The following SCLT1 variants were observed in gnomAD, a reference collection of about 807,000 sequenced individuals.
The protein encoded by SCLT1 is sodium channel and clathrin linker 1.
SCLT1 carries 78 observed loss-of-function variants against 112.8 expected under a neutral mutation model. The observed-to-expected ratio is 0.69, with a 90% CI of 0.58 to 0.83. SCLT1 has a LOEUF of 0.83. Ranked by LOEUF, SCLT1 falls within the 40% of genes least tolerant of loss-of-function variation. SCLT1 has a pLI of 0.00. For missense variants in SCLT1, 747 were observed against 770.4 expected (o/e 0.97, Z 0.36); for synonymous variants, 257 against 254.7 (o/e 1.01, Z -0.09).
At chr4:129,089,628 G>C (rs981664329) in intron 1 of SCLT1, among the ~76,000 whole-genome samples, 1 of 152,168 alleles carries the variant, frequency 6.6e-6, no homozygotes. Flanking sequence ...GTCCATCAAT[G>C]ATAGACTGGA....
At chr4:128,995,685 T>C in intron 8 of SCLT1, among the ~76,000 whole-genome samples, 1 of 152,030 alleles carries the variant, frequency 6.6e-6, no homozygotes, top group Non-Finnish European at 1.5e-5. Context: ...CTGCTTGCTC[T>C]GTGATGAGCT....
At chr4:128,950,357 A>T (rs948242565) in intron 14 of SCLT1, among the ~76,000 whole-genome samples, 1 of 152,164 alleles carries the variant, frequency 6.6e-6, no homozygotes, top group East Asian at 1.9e-4. Flanking sequence ...GATGGCCTAA[A>T]GAATATTTGG....
intron 17 of SCLT1, among the ~76,000 whole-genome samples, chr4:128,941,372 T>C (rs1004441618): frequency 6.6e-6 from 1 of 152,138 alleles, no homozygotes; most frequent in Admixed American, 6.6e-5. Flanking sequence ...TAGTGTTATC[T>C]TGTAGTTTTA....
At chr4:128,919,011 C>T (rs779566839) in intron 18 of SCLT1, among the ~76,000 whole-genome samples, 1 of 152,062 alleles carries the variant, frequency 6.6e-6, no homozygotes, top group African/African-American at 2.4e-5. Context: ...CAGTATTAGG[C>T]AGATGATCAA....
rs186035444 is a variant in SCLT1, at chr4:128,998,225, G to C, written c.550-286C>G. 5.9e-5 allele frequency among the ~76,000 whole-genome samples: 9 copies of C among 151,872 alleles called. No homozygotes were observed. The East Asian group carries it at 1.7e-3, about 29-fold the overall frequency. ...AATATTATTTTAAAACTTGAAGAAA[G>C]AGATCATAAAAAATTATAAGTGATT... is the stretch of plus-strand genomic sequence containing the variant. On this transcript the variant is annotated intron_variant, in intron 7 of 20. Coordinates refer to ENST00000281142, the MANE Select transcript of SCLT1 (RefSeq NM_144643.4).
At chr4:128,921,883 T>C (rs750881942) in intron 18 of SCLT1, among the ~76,000 whole-genome samples, 19 of 152,140 alleles carry the variant, frequency 1.2e-4, no homozygotes, top group African/African-American at 1.9e-4. Context: ...GAGAGAATAT[T>C]AGCAAACTGT....
chr4:128,882,250 A>G (rs182449376), downstream of SCLT1, among the ~76,000 whole-genome samples: 13 of 152,322 alleles, frequency 8.5e-5, no homozygotes, highest in African/African-American at 2.9e-4. Context: ...AACTCTTACT[A>G]CATGGAAATT....
At chr4:129,074,910 C>G (rs1034571486) in intron 2 of SCLT1, among the ~76,000 whole-genome samples, 1 of 152,094 alleles carries the variant, frequency 6.6e-6, no homozygotes, top group East Asian at 1.9e-4. Context: ...CTATGTTCCT[C>G]AGGCTGGTCT....
In SCLT1 at chr4:129,093,442, T is replaced by C. The variant is rs903694861; in HGVS notation, c.-339A>G. On this transcript the variant is annotated 5_prime_UTR_variant, in exon 1 of 21. Coordinates refer to ENST00000281142, the MANE Select transcript of SCLT1 (RefSeq NM_144643.4). ...CCACCTAGGAGAGTGCCGCGGGAGC[T>C]TGACGGCAGCCTGAGAGCGGCGTTC... 1 of 288,244 alleles carries C rather than the reference T, an allele frequency of 3.5e-6. No individual in the cohort carries two copies. Among genetic ancestry groups the C allele is most frequent in the East Asian group, 6.3e-5 (1 of 15,848 alleles). The allele number at this position is 288,244 out of a possible 1,614,324, so 17.9% of individuals were successfully genotyped here.
At chr4:128,959,546 T>G in intron 12 of SCLT1, 54 bp downstream of exon 12, 1 of 1,350,426 alleles carries the variant, frequency 7.4e-7, no homozygotes. Context: ...TGAGGTCACA[T>G]GGGAGAATAG....
chr4:129,005,848 G>A (rs1271734091), intron 5 of SCLT1, among the ~76,000 whole-genome samples: 6 of 151,122 alleles, frequency 4.0e-5, no homozygotes. Context: ...AAAAAATGAT[G>A]AGTTCATGTC....
chr4:128,977,734 A>T lies in SCLT1; in HGVS notation c.687-7266T>A, dbSNP rs368107681. Among the ~76,000 whole-genome samples, 13 of 152,338 alleles carry T rather than the reference A, an allele frequency of 8.5e-5. No homozygotes were observed. In the East Asian group the frequency reaches 2.5e-3, roughly 29 times the overall value. The stretch of plus-strand genomic sequence containing the variant: ...ACAATTAAGACGGAACGTATCACAG[A>T]GAAAAAAGTGTAAGATAAAGTCAGA... On this transcript the variant is annotated intron_variant, in intron 9 of 20. Coordinates refer to ENST00000281142, the MANE Select transcript of SCLT1 (RefSeq NM_144643.4).
In SCLT1 at chr4:128,936,757, T is replaced by C. The variant is rs1560861702; in HGVS notation, c.1727A>G (p.Glu576Gly). 2 of 1,611,468 alleles carry C rather than the reference T, an allele frequency of 1.2e-6. No homozygotes were observed. The highest frequency in any genetic ancestry group is 1.7e-6 in the Non-Finnish European group (2 of 1,177,864). The stretch of plus-strand genomic sequence containing the variant: ...TTGAGTCGCTAGGAGATGCCTCAGT[T>C]CAACAATGGAATTTCTATTACTGTC... ...MEDSNRNSIV[E>G]LRHLLATQQK... is the part of the protein sequence containing the mutation. Residue 576 changes from glutamate to glycine, a missense_variant, in exon 18 of 21, where the codon GAA becomes GGA. Glu to Gly is a moderately conservative substitution (Grantham distance 98, BLOSUM62 -2). Coordinates refer to ENST00000281142, the MANE Select transcript of SCLT1 (RefSeq NM_144643.4).
At chr4:128,972,131 A>G (rs1740744269) in intron 9 of SCLT1, 1 of 152,136 alleles carries the variant, frequency 6.6e-6, no homozygotes, top group African/African-American at 2.4e-5. Context: ...CGTCAGGCTG[A>G]GAGATAATTT....
chr4:129,010,595 C>A (rs1319507053), intron 5 of SCLT1, among the ~76,000 whole-genome samples: 1 of 152,040 alleles, frequency 6.6e-6, no homozygotes, highest in Non-Finnish European at 1.5e-5. Flanking sequence ...TTTCTTTGAG[C>A]AGTATTTTGT....
At chr4:128,898,476 G>A (rs894761950) in intron 18 of SCLT1, among the ~76,000 whole-genome samples, 83 of 152,150 alleles carry the variant, frequency 5.5e-4, no homozygotes, top group African/African-American at 1.9e-3. Context: ...TGAAACCAAC[G>A]AGAACAAAGA....
At chr4:128,919,859 A>G (rs934921438) in intron 18 of SCLT1, among the ~76,000 whole-genome samples, 2 of 152,138 alleles carry the variant, frequency 1.3e-5, no homozygotes. Flanking sequence ...GAAGAAATTC[A>G]ATCCCTGAAC....
intron 6 of SCLT1, among the ~76,000 whole-genome samples, chr4:129,000,810 C>T (rs1300177239): frequency 2.6e-5 from 4 of 151,840 alleles, no homozygotes; most frequent in African/African-American, 7.2e-5. Context: ...GTAACCAGCA[C>T]CCAGTTCAAG....
At chr4:128,883,395 C>T (rs552277662), downstream of SCLT1, among the ~76,000 whole-genome samples, 230 of 151,980 alleles carry the variant, frequency 1.5e-3, 8 homozygotes, top group South Asian at 0.045. Flanking sequence ...ATCACACACC[C>T]GGGCCTGTCG....
Sources: gnomAD v4.1 joint callset for allele counts (sites outside exome capture counted in the v4.1 genomes callset) on GRCh38, gnomAD v4.1.1 for gene constraint, MANE v1.5 for transcripts, NCBI Gene and HGNC (gene_info 2026-07-23, HGNC 2026-07-21) for gene names.